SPTBN4: variants seen among roughly 807,000 people sequenced by gnomAD.
SPTBN4 encodes spectrin beta, non-erythrocytic 4, also known as spectrin beta chain, non-erythrocytic 4.
In SPTBN4, 96 loss-of-function variants were observed where a neutral mutation model predicts 277.8. That is an observed-to-expected ratio of 0.35 (90% CI 0.29 to 0.41). The LOEUF (loss-of-function observed/expected upper bound fraction) is 0.41, where lower values mean the gene tolerates loss of function less well. Ranked by LOEUF, SPTBN4 falls within the 10% of genes least tolerant of loss-of-function variation. SPTBN4 has a pLI of 1.00. For missense variants in SPTBN4, 3,006 were observed against 3,595.7 expected (o/e 0.84, Z 4.19); for synonymous variants, 1,481 against 1,580.3 (o/e 0.94, Z 1.49).
chr19:40,496,494 G>C (rs2080198605), intron 6 of SPTBN4, among the ~76,000 whole-genome samples: 1 of 152,086 alleles, frequency 6.6e-6, no homozygotes, highest in Non-Finnish European at 1.5e-5. Context: ...ATTTGGGCCA[G>C]GCTGGTTTCA....
rs1218500409 is a variant in SPTBN4 at position 40,512,808 on chromosome 19, C to T, written c.2019C>T (p.Gly673=). Residue 673 remains glycine, a synonymous_variant, in exon 14 of 36, where the codon GGC becomes GGT. Coordinates refer to ENST00000598249, the MANE Select transcript of SPTBN4 (RefSeq NM_020971.3). Reference sequence around the variant, plus strand: ...GTCTCCTGGAGGCTGCGGGCGGCGGCGGTGCGGCGGGCGCAGCGGGCGCAG... The same window carrying T: ...GTCTCCTGGAGGCTGCGGGCGGCGGTGGTGCGGCGGGCGCAGCGGGCGCAG... The part of the protein sequence containing the change: ...KERLLEAAGG[G]GAAGAAGAAG... The T allele has an allele frequency of 3.4e-6, 5 of 1,452,972 alleles. No homozygotes were observed. The African/African-American group carries it at 7.5e-5, about 22-fold the overall frequency. 90.0% of individuals were successfully genotyped at this position (1,452,972 alleles called of 1,614,324 possible).
At chr19:40,501,792 G>C (rs967478304) in intron 7 of SPTBN4, 129 bp from the exon 8 acceptor site, 15 of 736,650 alleles carry the variant, frequency 2.0e-5, no homozygotes, top group Admixed American at 1.1e-4. Context: ...CTGAGGAACA[G>C]AGAGGTTAAT....
At chr19:40,525,499 CTTGAG>C (rs1157736570) in intron 17 of SPTBN4, among the ~76,000 whole-genome samples, 2 of 152,036 alleles carry the variant, frequency 1.3e-5, no homozygotes, top group Non-Finnish European at 2.9e-5. Flanking sequence ...TTCCACATTT[CTTGAG>C]CACCTGCTGC....
Position 40,572,005 on chromosome 19 carries a change from T to A in SPTBN4, c.7320-14T>A. The A allele has an allele frequency of 6.5e-7, 1 of 1,530,912 alleles. No homozygotes were observed. Among genetic ancestry groups the A allele is most frequent in the South Asian group, 1.3e-5 (1 of 79,206 alleles). The allele number at this position is 1,530,912 out of a possible 1,614,324, so 94.8% of individuals were successfully genotyped here. The stretch of plus-strand genomic sequence containing the variant: ...TGCTGCGGCTCTGCCTTGAGCCCCA[T>A]CTTGTCGCTCCAGGTCGTGGGTGAG... On this transcript the variant is annotated splice_polypyrimidine_tract_variant and intron_variant, in intron 33 of 35. Coordinates refer to ENST00000598249, the MANE Select transcript of SPTBN4 (RefSeq NM_020971.3).
intron 2 of SPTBN4, among the ~76,000 whole-genome samples, chr19:40,482,901 C>T (rs1487810756): frequency 6.6e-6 from 1 of 151,928 alleles, no homozygotes; most frequent in Non-Finnish European, 1.5e-5. Flanking sequence ...GTGGAGGTTG[C>T]AATGAGCCAA....
chr19:40,544,129 T>C (rs1314481674), intron 20 of SPTBN4, among the ~76,000 whole-genome samples: 6 of 21,700 alleles, frequency 2.8e-4, no homozygotes, highest in Non-Finnish European at 1.3e-4. Context: ...TTCTTCCTCT[T>C]TTTTTTTTTT....
intron 30 of SPTBN4, chr19:40,566,973 T>TAAAAAAAAAAAAAA (rs113655225): frequency 4.6e-6 from 1 of 216,040 alleles, no homozygotes. Context: ...ACAACAACAA[T>TAAAAAAAAAAAAAA]AAAAAAAAAA....
In SPTBN4 at chr19:40,472,781, G is replaced by A. The variant is rs1166037726; in HGVS notation, c.160G>A (p.Ala54Thr). 3 of 1,567,798 alleles carry A rather than the reference G, an allele frequency of 1.9e-6. No homozygotes were observed. The highest frequency in any genetic ancestry group is 2.6e-6 in the Non-Finnish European group (3 of 1,153,320). ...ASLFECSRIK[A>T]LADEREAVQK... ...GCTCTTTGAGTGCTCCCGGATCAAG[G>A]CCTTGGCAGGTACCTGGAGGAGGGC... is the stretch of plus-strand genomic sequence containing the variant. The change falls in exon 2 of 36, where the codon GCC becomes ACC. Residue 54 changes from alanine to threonine, a missense_variant. Physicochemically the swap from Ala to Thr is moderately conservative, Grantham distance 58. Coordinates refer to ENST00000598249, the MANE Select transcript of SPTBN4 (RefSeq NM_020971.3).
At chr19:40,571,742 G>A (rs1008652414) in intron 33 of SPTBN4, 6 of 325,278 alleles carry the variant, frequency 1.8e-5, no homozygotes, top group African/African-American at 1.3e-4. Flanking sequence ...TTATGGAGGA[G>A]ACAGCTTAAG....
chr19:40,535,978 A>T (rs1317984021), intron 20 of SPTBN4, among the ~76,000 whole-genome samples: 3 of 152,080 alleles, frequency 2.0e-5, no homozygotes, highest in African/African-American at 4.8e-5. Context: ...AAAAAATAAA[A>T]AAAATAATTA....
chr19:40,485,479 T>C (rs987909735), intron 2 of SPTBN4, among the ~76,000 whole-genome samples: 2 of 152,104 alleles, frequency 1.3e-5, no homozygotes, highest in African/African-American at 4.8e-5. Flanking sequence ...TACACATTCA[T>C]AGGAAGTCGC....
intron 27 of SPTBN4, among the ~76,000 whole-genome samples, chr19:40,564,723 G>A (rs543093474): frequency 5.9e-5 from 9 of 151,914 alleles, no homozygotes; most frequent in Non-Finnish European, 8.8e-5. Flanking sequence ...TGTGGTCCCC[G>A]CTACTCAGGA....
chr19:40,469,952 C>CT (rs1455768445), intron 1 of SPTBN4, among the ~76,000 whole-genome samples: 2 of 146,088 alleles, frequency 1.4e-5, no homozygotes, highest in South Asian at 2.2e-4. Flanking sequence ...CCAATTTCTT[C>CT]TTTTTTTAAA....
intron 2 of SPTBN4, among the ~76,000 whole-genome samples, chr19:40,476,653 TCTCGG>T (rs1465075331): frequency 6.6e-6 from 1 of 152,056 alleles, no homozygotes; most frequent in African/African-American, 2.4e-5. Context: ...AGTGACACTA[TCTCGG>T]CTCACTGCAA....
chr19:40,508,528 A>G (rs865858100), intron 13 of SPTBN4, among the ~76,000 whole-genome samples: 2 of 152,162 alleles, frequency 1.3e-5, no homozygotes, highest in Non-Finnish European at 2.9e-5. Flanking sequence ...CCCTACTAAA[A>G]ATACAAAAAA....
rs567442426 is a variant in SPTBN4, at chr19:40,512,982, C to T, written c.2193C>T (p.Ala731=). ...AGGAGCTGGTTGCGGCCGGCGGTGCCGTCGGCCCGGGAGCAGACACCGTGC... is the reference window on the plus strand; with the variant it reads ...AGGAGCTGGTTGCGGCCGGCGGTGCTGTCGGCCCGGGAGCAGACACCGTGC... ...CGEELVAAGG[A]VGPGADTVHL... is the part of the protein sequence containing the mutation. Residue 731 remains alanine (A), a synonymous_variant, in exon 14 of 36, where the codon GCC becomes GCT. Coordinates refer to ENST00000598249, the MANE Select transcript of SPTBN4 (RefSeq NM_020971.3). The T allele has an allele frequency of 2.2e-5, 31 of 1,413,254 alleles. No homozygotes were observed. In the South Asian group the frequency reaches 3.0e-4, roughly 13 times the overall value. The allele number at this position is 1,413,254 out of a possible 1,614,324, so 87.5% of individuals were successfully genotyped here. A position where few individuals can be genotyped will look rare whatever the true frequency, so the allele number is the denominator to read the frequency against.
chr19:40,562,472 G>C (rs1249978088), intron 27 of SPTBN4, among the ~76,000 whole-genome samples: 4 of 146,452 alleles, frequency 2.7e-5, no homozygotes, highest in African/African-American at 1.0e-4. Context: ...GGAGGTTGCA[G>C]TGTGCTGAGA....
At chr19:40,564,780 T>A (rs2081075026) in intron 27 of SPTBN4, among the ~76,000 whole-genome samples, 1 of 149,856 alleles carries the variant, frequency 6.7e-6, no homozygotes, top group African/African-American at 2.5e-5. Flanking sequence ...GAGACTGAAG[T>A]GAGCTGCAAT....
At position 40,549,169 on chromosome 19, in the gene SPTBN4, C is replaced by T. The variant is rs1318191355; in HGVS notation, c.4360-20C>T. The T allele has an allele frequency of 1.0e-5, 16 of 1,529,494 alleles. No individual in the cohort carries two copies. Among genetic ancestry groups the T allele is most frequent in the Non-Finnish European group, 1.4e-5 (16 of 1,136,772 alleles). 94.7% of individuals were successfully genotyped at this position (1,529,494 alleles called of 1,614,324 possible). ...CAGGAGGGCGGGTGGGGCCCATTGA[C>T]CCTGCCTCTGTCCCCACAGTCCATG... is the stretch of plus-strand genomic sequence containing the variant. On this transcript the variant is annotated intron_variant, in intron 20 of 35. Transcript: ENST00000598249.
Sources: gnomAD v4.1 joint callset for allele counts (sites outside exome capture counted in the v4.1 genomes callset) on GRCh38, gnomAD v4.1.1 for gene constraint, MANE v1.5 for transcripts, NCBI Gene and HGNC (gene_info 2026-07-23, HGNC 2026-07-21) for gene names.